The following CALN1 variants were observed in gnomAD, a reference collection of about 807,000 sequenced individuals.
The protein encoded by CALN1 is calneuron 1, also known as calcium-binding protein 8.
Under a neutral mutation model 30.6 loss-of-function variants are expected in CALN1, and 17 were observed. The observed-to-expected ratio is 0.56, with a 90% confidence interval of 0.38 to 0.83. The LOEUF (loss-of-function observed/expected upper bound fraction) is 0.83. Among genes scored for constraint, CALN1 ranks in the 40% least tolerant of loss-of-function variants. The pLI, the probability that CALN1 is intolerant of heterozygous loss-of-function variation, is 0.00. For missense variants in CALN1, 291 were observed against 354.9 expected, an observed-to-expected ratio of 0.82 and a Z score of 1.45; for synonymous variants, 156 against 131.4, an observed-to-expected ratio of 1.19 and a Z score of -1.28.
intron 5 of CALN1, among the ~76,000 whole-genome samples, chr7:71,823,073 C>G (rs924215702): frequency 3.3e-5 from 5 of 152,158 alleles, no homozygotes; most frequent in Non-Finnish European, 1.5e-5. Context: ...CCTTTCTCCC[C>G]TTCTCTCATG....
intron 6 of CALN1, among the ~76,000 whole-genome samples, chr7:71,806,951 G>A (rs1474775956): frequency 6.6e-6 from 1 of 152,144 alleles, no homozygotes; most frequent in Non-Finnish European, 1.5e-5. Flanking sequence ...CAGTGTATTG[G>A]TCTATTACTG....
chr7:72,130,596 G>A (rs1288013607), intron 3 of CALN1, among the ~76,000 whole-genome samples: 1 of 152,058 alleles, frequency 6.6e-6, no homozygotes, highest in Non-Finnish European at 1.5e-5. Flanking sequence ...GAGTATGTCT[G>A]GATAATACAT....
chr7:72,459,536 G>A, the CALN1 span, among the ~76,000 whole-genome samples: 1 of 151,658 alleles, frequency 6.6e-6, no homozygotes, highest in African/African-American at 2.4e-5. Context: ...TGAGGCAGGA[G>A]GATCCCTTCA....
intron 3 of CALN1, among the ~76,000 whole-genome samples, chr7:72,204,882 A>G (rs1791711274): frequency 6.6e-6 from 1 of 152,164 alleles, no homozygotes; most frequent in African/African-American, 2.4e-5. Context: ...CTGGGTCCCA[A>G]GGCAATTCAC....
intron 4 of CALN1, among the ~76,000 whole-genome samples, chr7:72,069,120 G>A (rs1804221284): frequency 6.6e-6 from 1 of 152,146 alleles, no homozygotes; most frequent in Non-Finnish European, 1.5e-5. Flanking sequence ...CACAGAGAGG[G>A]CAAGTGACAC....
chr7:72,049,358 G>C (rs1420257878), intron 4 of CALN1, among the ~76,000 whole-genome samples: 1 of 152,142 alleles, frequency 6.6e-6, no homozygotes, highest in African/African-American at 2.4e-5. Flanking sequence ...ATAGTAATGA[G>C]ACATTTTTTT....
In CALN1 at chr7:71,844,145, C is replaced by CTGAT. The variant is rs550306748; in HGVS notation, c.502-33657_502-33654dup. Among the ~76,000 whole-genome samples the CTGAT allele has an allele frequency of 3.0e-3, 459 of 152,246 alleles. 2 individuals are homozygous for CTGAT. The highest frequency in any genetic ancestry group is 4.1e-3 in the Non-Finnish European group (278 of 68,016). ...GAGCAGGCTACAAAAGACAGGAGAG[C>CTGAT]TGATTGTCATAGGGTGGCAAAGCTA... is the stretch of plus-strand genomic sequence containing the variant. On this transcript the variant is annotated intron_variant, in intron 5 of 6. Coordinates refer to ENST00000395275, the MANE Select transcript of CALN1 (RefSeq NM_031468.4).
chr7:72,314,810 T>C (rs893929919), intron 2 of CALN1, among the ~76,000 whole-genome samples: 12 of 149,500 alleles, frequency 8.0e-5, no homozygotes, highest in South Asian at 2.1e-4. Flanking sequence ...AACTTAAATA[T>C]TTAAAAAGAA....
chr7:72,440,550 G>A (rs1469573852), intron 1 of CALN1, among the ~76,000 whole-genome samples: 3 of 152,340 alleles, frequency 2.0e-5, no homozygotes, highest in African/African-American at 7.2e-5. Context: ...AATCTGGCCA[G>A]ACACAGTGGC....
At chr7:72,095,195 A>T (rs1008360854) in intron 4 of CALN1, among the ~76,000 whole-genome samples, 1 of 152,214 alleles carries the variant, frequency 6.6e-6, no homozygotes, top group Non-Finnish European at 1.5e-5. Flanking sequence ...CCACAAAATG[A>T]GAATCATAAT....
intron 2 of CALN1, among the ~76,000 whole-genome samples, chr7:72,301,012 G>C (rs1360076692): frequency 2.0e-5 from 3 of 151,936 alleles, no homozygotes; most frequent in African/African-American, 2.4e-5. Flanking sequence ...AAATAAAAAT[G>C]TAAATAAGCA....
At chr7:72,044,023 A>G (rs1584812345) in intron 4 of CALN1, among the ~76,000 whole-genome samples, 2 of 152,076 alleles carry the variant, frequency 1.3e-5, no homozygotes, top group Admixed American at 6.5e-5. Flanking sequence ...ACAGCATAGG[A>G]AAGTCCCCCC....
chr7:72,254,542 C>A (rs1388463464), intron 3 of CALN1, among the ~76,000 whole-genome samples: 2 of 152,138 alleles, frequency 1.3e-5, no homozygotes, highest in East Asian at 3.9e-4. Context: ...ATGTGTTTTA[C>A]TGTGAGAGGG....
At chr7:71,875,245 C>CA (rs570490773) in intron 5 of CALN1, among the ~76,000 whole-genome samples, 54 of 148,478 alleles carry the variant, frequency 3.6e-4, no homozygotes, top group Non-Finnish European at 6.5e-4. Flanking sequence ...AGCAGATGGG[C>CA]AAATGCAAGG....
chr7:72,413,328 C>A (rs1157092888), upstream of CALN1, among the ~76,000 whole-genome samples: 2 of 151,368 alleles, frequency 1.3e-5, no homozygotes, highest in East Asian at 3.9e-4. Context: ...CACTAACATA[C>A]ACTCACATCC....
intron 2 of CALN1, among the ~76,000 whole-genome samples, chr7:72,376,213 A>G (rs1382504006): frequency 6.6e-6 from 1 of 152,124 alleles, no homozygotes; most frequent in African/African-American, 2.4e-5. Flanking sequence ...TTTATATACA[A>G]GTATTTGTGT....
intron 5 of CALN1, among the ~76,000 whole-genome samples, chr7:71,939,660 A>G (rs1194414474): frequency 6.6e-6 from 1 of 152,160 alleles, no homozygotes; most frequent in East Asian, 1.9e-4. Flanking sequence ...CAAGAAACAA[A>G]GGTAATTTGC....
Position 72,336,622 on chromosome 7 carries a change from C to T in CALN1, c.120-57812G>A, listed in dbSNP as rs1037183214. The T allele has an allele frequency of 1.8e-5, 17 of 923,098 alleles. No homozygotes were observed. In the African/African-American group the frequency reaches 3.0e-4, roughly 16 times the overall value. The allele number at this position is 923,098 out of a possible 1,614,324, so 57.2% of individuals were successfully genotyped here. ...CCGCGACAGCCCGGGGGTTTGGACACCCTAGAGAGAAGCGAGGACCGAGGG... is the reference window on the plus strand; with the variant it reads ...CCGCGACAGCCCGGGGGTTTGGACATCCTAGAGAGAAGCGAGGACCGAGGG... On this transcript the variant is annotated intron_variant, in intron 2 of 6. Coordinates refer to ENST00000395275, the MANE Select transcript of CALN1 (RefSeq NM_031468.4).
At chr7:71,843,683 AC>A (rs1481281246) in intron 5 of CALN1, among the ~76,000 whole-genome samples, 3 of 151,952 alleles carry the variant, frequency 2.0e-5, no homozygotes, top group Admixed American at 6.6e-5. Flanking sequence ...GGCAAAGATA[AC>A]CCTCAGTTTC....
Sources: gnomAD v4.1 joint callset for allele counts (sites outside exome capture counted in the v4.1 genomes callset) on GRCh38, gnomAD v4.1.1 for gene constraint, MANE v1.5 for transcripts, NCBI Gene and HGNC (gene_info 2026-07-23, HGNC 2026-07-21) for gene names.